Variants in TNFRSF11B observed in about 807,000 individuals in gnomAD.
TNFRSF11B encodes tumor necrosis factor receptor superfamily member 11B.
Under a neutral mutation model 43.4 loss-of-function variants are expected in TNFRSF11B, and 16 were observed. The ratio of observed to expected loss-of-function variants is 0.37; its 90% CI spans 0.25 to 0.56. The LOEUF (loss-of-function observed/expected upper bound fraction) is 0.56, where lower values mean the gene tolerates loss of function less well. Ranked by LOEUF, TNFRSF11B falls within the 20% of genes least tolerant of loss-of-function variation. The pLI, the probability that TNFRSF11B is intolerant of heterozygous loss-of-function variation, is 0.80. For synonymous variants in TNFRSF11B, 185 were observed against 181.8 expected (o/e 1.02, Z -0.14); for missense variants, 444 against 490.1 (o/e 0.91, Z 0.89).
At chr8:118,930,038 A>G (rs886557279) in intron 2 of TNFRSF11B, among the ~76,000 whole-genome samples, 18 of 152,200 alleles carry the variant, frequency 1.2e-4, no homozygotes, top group African/African-American at 4.3e-4. Context: ...TACATGATTC[A>G]TTGACCTGCA....
Position 118,926,672 on chromosome 8 carries a change from T to C in TNFRSF11B, c.639A>G (p.Thr213=), listed in dbSNP as rs1420979779. 1.2e-6 allele frequency: 2 copies of C among 1,613,946 alleles called. No individual in the cohort carries two copies. Among genetic ancestry groups the C allele is most frequent in the Admixed American group, 1.7e-5 (1 of 59,966 alleles). Residue 213 remains threonine (T), a synonymous_variant, in exon 4 of 5, where the codon ACA becomes ACG. Transcript: ENST00000297350. ...CACTAAGCCAGTTAGGCGTAAACTT[T>C]GTAGGAACAGCAAACCTGAAGAATG... ...EEAFFRFAVP[T]KFTPNWLSVL...
chr8:118,946,050 A>G (rs1812556826), intron 1 of TNFRSF11B, among the ~76,000 whole-genome samples: 2 of 152,208 alleles, frequency 1.3e-5, no homozygotes, highest in South Asian at 4.1e-4. Context: ...ACAACAATAA[A>G]GAGGTAAATC....
At chr8:118,950,980 T>C (rs905867903) in intron 1 of TNFRSF11B, among the ~76,000 whole-genome samples, 8 of 152,158 alleles carry the variant, frequency 5.3e-5, no homozygotes, top group Admixed American at 2.6e-4. Context: ...TCTAGTGTCA[T>C]AGAGAAAATA....
chr8:118,948,588 C>G (rs971619263), intron 1 of TNFRSF11B, among the ~76,000 whole-genome samples: 1 of 124,254 alleles, frequency 8.0e-6, no homozygotes, highest in Non-Finnish European at 1.6e-5. Flanking sequence ...AGTGGAATTT[C>G]ACAGCTGTAG....
At chr8:118,948,670 C>A (rs756309964) in intron 1 of TNFRSF11B, among the ~76,000 whole-genome samples, 1 of 151,924 alleles carries the variant, frequency 6.6e-6, no homozygotes, top group Non-Finnish European at 1.5e-5. Context: ...GTGACCCGGG[C>A]CAGGAACGTT....
intron 1 of TNFRSF11B, 95 bp downstream of exon 1, chr8:118,951,697 A>G: frequency 3.2e-6 from 4 of 1,244,586 alleles, no homozygotes; most frequent in Middle Eastern, 1.9e-4. Flanking sequence ...GAGCGAGTGG[A>G]GCCTTCTCCC....
intron 1 of TNFRSF11B, among the ~76,000 whole-genome samples, chr8:118,949,361 C>A (rs886232187): frequency 1.3e-5 from 2 of 152,092 alleles, no homozygotes; most frequent in Non-Finnish European, 2.9e-5. Context: ...ATCAGCACTT[C>A]GTTTACATAA....
intron 4 of TNFRSF11B, among the ~76,000 whole-genome samples, chr8:118,925,118 T>G (rs1812230460): frequency 6.6e-6 from 1 of 152,216 alleles, no homozygotes; most frequent in Non-Finnish European, 1.5e-5. Context: ...AGTATTCAAG[T>G]TAGCTACTTT....
At chr8:118,951,623 G>A (rs184857352) in intron 1 of TNFRSF11B, among the ~76,000 whole-genome samples, 169 bp downstream of exon 1, 7 of 152,288 alleles carry the variant, frequency 4.6e-5, no homozygotes, top group African/African-American at 1.7e-4. Flanking sequence ...CACCCTAGGG[G>A]AAGCATGGCA....
Position 118,932,992 on chromosome 8 carries a change from A to T in TNFRSF11B, c.339T>A (p.Leu113=). 1 of 1,613,638 alleles carries T rather than the reference A, an allele frequency of 6.2e-7. No homozygotes were observed. Among genetic ancestry groups the T allele is most frequent in the South Asian group, 1.1e-5 (1 of 91,086 alleles). The change falls in exon 2 of 5, where the codon CTT becomes CTA. Residue 113 remains leucine (L), a synonymous_variant. Transcript: ENST00000297350. ...RVCECKEGRY[L]EIEFCLKHRS... is the part of the protein sequence containing the mutation. ...TATGTTTCAAGCAGAACTCTATCTC[A>T]AGGTAGCGCCCTTCCTTGCATTCGC...
At position 118,928,681 on chromosome 8, in the gene TNFRSF11B, C is replaced by CA; in HGVS notation, c.592+56dup. The CA allele has an allele frequency of 2.5e-6, 4 of 1,583,514 alleles. No individual in the cohort carries two copies. The South Asian group carries it at 4.4e-5, about 18-fold the overall frequency. On this transcript the variant is annotated intron_variant, in intron 3 of 4. Coordinates refer to ENST00000297350, the MANE Select transcript of TNFRSF11B (RefSeq NM_002546.4). ...GTGGCTGGAGGCCTTGTGTTCAACT[C>CA]AGAGAGAGAGATGATACTACAAAAT...
chr8:118,950,486 G>C (rs10955914), intron 1 of TNFRSF11B, among the ~76,000 whole-genome samples: 2,874 of 152,298 alleles, frequency 0.019, 89 homozygotes, highest in African/African-American at 0.064. Flanking sequence ...TCAGAATACT[G>C]ATTGTTCTGG....
chr8:118,932,745 C>G (rs1226415532), intron 2 of TNFRSF11B, among the ~76,000 whole-genome samples, 186 bp downstream of exon 2: 1 of 151,746 alleles, frequency 6.6e-6, no homozygotes, highest in African/African-American at 2.4e-5. Flanking sequence ...CCTGTAGTGG[C>G]AAAGTATTCC....
At chr8:118,932,210 A>G (rs905419370) in intron 2 of TNFRSF11B, among the ~76,000 whole-genome samples, 1 of 152,226 alleles carries the variant, frequency 6.6e-6, no homozygotes, top group Non-Finnish European at 1.5e-5. Flanking sequence ...GGCAGAAAAA[A>G]ACGTGGGTTA....
In TNFRSF11B at chr8:118,924,888, CT is replaced by C. The variant is rs11573940; in HGVS notation, c.818-127del. ...AATTATATTTCAATGATAACCTTTT[CT>C]TTTGAGAGGGAGTTAAGTGACACCA... is the stretch of plus-strand genomic sequence containing the variant. On this transcript the variant is annotated intron_variant, in intron 4 of 4. Coordinates refer to ENST00000297350, the MANE Select transcript of TNFRSF11B (RefSeq NM_002546.4). 3,632 of 1,205,522 alleles carry C rather than the reference CT, an allele frequency of 3.0e-3. 99 individuals carry two copies. In the Admixed American group the frequency reaches 0.049, roughly 16 times the overall value. 74.7% of individuals were successfully genotyped at this position (1,205,522 alleles called of 1,614,324 possible).
At chr8:118,938,726 G>T (rs1311290874) in intron 1 of TNFRSF11B, among the ~76,000 whole-genome samples, 1 of 152,118 alleles carries the variant, frequency 6.6e-6, no homozygotes, top group Non-Finnish European at 1.5e-5. Context: ...ACTAGCTTTT[G>T]TCCAAAGCTA....
chr8:118,929,043 GT>G, intron 2 of TNFRSF11B, 114 bp from the exon 3 acceptor site: 1 of 902,136 alleles, frequency 1.1e-6, no homozygotes, highest in Non-Finnish European at 1.8e-6. Context: ...CTACTATTAT[GT>G]TGCACAAAAC....
At position 118,942,941 on chromosome 8, in the gene TNFRSF11B, T is replaced by A. The variant is rs550261427; in HGVS notation, c.30+8851A>T. Among the ~76,000 whole-genome samples the A allele has an allele frequency of 2.3e-3, 352 of 152,164 alleles. 1 individual carries two copies. The highest frequency in any genetic ancestry group is 8.1e-3 in the African/African-American group (336 of 41,534). On this transcript the variant is annotated intron_variant, in intron 1 of 4. Coordinates refer to ENST00000297350, the MANE Select transcript of TNFRSF11B (RefSeq NM_002546.4). ...CCTACCTTCCTACCTACCTACCTAT[T>A]TGACCATCCGTCTGTCCACCTACCC...
chr8:118,949,560 G>A (rs1468080391), intron 1 of TNFRSF11B, among the ~76,000 whole-genome samples: 1 of 152,180 alleles, frequency 6.6e-6, no homozygotes, highest in Non-Finnish European at 1.5e-5. Context: ...GTAAGTGGTG[G>A]TACTGGTATT....
Sources: allele counts gnomAD v4.1 joint callset (sites outside exome capture counted in the v4.1 genomes callset), GRCh38; gene constraint gnomAD v4.1.1; transcripts MANE v1.5; gene names NCBI Gene and HGNC (gene_info 2026-07-23, HGNC 2026-07-21).